Variants in CAMKMT observed in about 807,000 individuals in gnomAD.
The protein encoded by CAMKMT is CaM KMT.
Under a neutral mutation model 48.0 loss-of-function variants are expected in CAMKMT, and 53 were observed. The observed-to-expected ratio is 1.10, with a 90% CI of 0.89 to 1.39. CAMKMT has a LOEUF of 1.39. Ranked by LOEUF, CAMKMT falls within the 40% of genes most tolerant of loss-of-function variation. The pLI is 0.00. For synonymous variants in CAMKMT, 165 were observed against 152.3 expected (o/e 1.08, Z -0.61); for missense variants, 428 against 402.7 (o/e 1.06, Z -0.54).
intron 1 of CAMKMT, among the ~76,000 whole-genome samples, chr2:44,363,508 G>T (rs1481633898): frequency 6.6e-6 from 1 of 151,074 alleles, no homozygotes; most frequent in East Asian, 1.9e-4. Flanking sequence ...CTCCCCAGTA[G>T]CTGGGATTAC....
chr2:44,363,512 G>C lies in CAMKMT; in HGVS notation c.138+1367G>C, dbSNP rs530560931. Among the ~76,000 whole-genome samples, 88 of 151,452 alleles carry C rather than the reference G, an allele frequency of 5.8e-4. 1 individual carries two copies. Among genetic ancestry groups the C allele is most frequent in the African/African-American group, 2.1e-3 (85 of 41,258 alleles). On this transcript the variant is annotated intron_variant, in intron 1 of 10. Coordinates refer to ENST00000378494, the MANE Select transcript of CAMKMT (RefSeq NM_024766.5). The stretch of plus-strand genomic sequence containing the variant: ...CCTTCCTCAGTCTCCCCAGTAGCTG[G>C]GATTACAGGCATGCACCACCACGCC...
At chr2:44,675,140 C>T (rs1212578933) in intron 3 of CAMKMT, among the ~76,000 whole-genome samples, 1 of 151,946 alleles carries the variant, frequency 6.6e-6, no homozygotes, top group Non-Finnish European at 1.5e-5. Flanking sequence ...CCTTACTCTA[C>T]ATTCCCTTAA....
At chr2:44,544,362 T>A (rs1005101673) in intron 3 of CAMKMT, among the ~76,000 whole-genome samples, 17 of 152,062 alleles carry the variant, frequency 1.1e-4, no homozygotes, top group African/African-American at 3.6e-4. Flanking sequence ...GCTGGTAGAG[T>A]CAATGGTTAA....
intron 3 of CAMKMT, among the ~76,000 whole-genome samples, chr2:44,517,362 T>C (rs1358170573): frequency 1.3e-5 from 2 of 152,212 alleles, no homozygotes; most frequent in East Asian, 3.8e-4. Context: ...TAATGCAATA[T>C]GTTAGGTAAA....
At chr2:44,609,947 G>C (rs1163156675) in intron 3 of CAMKMT, among the ~76,000 whole-genome samples, 1 of 152,200 alleles carries the variant, frequency 6.6e-6, no homozygotes, top group Non-Finnish European at 1.5e-5. Flanking sequence ...AGACTTTCAT[G>C]ACAAAGTTGC....
At chr2:44,737,431 T>C (rs961637957) in intron 7 of CAMKMT, among the ~76,000 whole-genome samples, 1 of 152,190 alleles carries the variant, frequency 6.6e-6, no homozygotes, top group Admixed American at 6.5e-5. Context: ...TTGAAATAGT[T>C]TGATATGTTT....
At position 44,510,795 on chromosome 2, in the gene CAMKMT, C is replaced by T. The variant is rs78380554; in HGVS notation, c.376+120490C>T. 4.5e-3 allele frequency among the ~76,000 whole-genome samples: 683 copies of T among 152,060 alleles called. 7 individuals carry two copies. The highest frequency in any genetic ancestry group is 0.016 in the African/African-American group (656 of 41,468). ...TGTACCCAGTATGTAGTCTTTTATC[C>T]CTCACCTCCCTGTCAACCTTCCTCC... is the stretch of plus-strand genomic sequence containing the variant. On this transcript the variant is annotated intron_variant, in intron 3 of 10. Coordinates refer to ENST00000378494, the MANE Select transcript of CAMKMT (RefSeq NM_024766.5).
chr2:44,462,863 A>G (rs1334863457), intron 3 of CAMKMT, among the ~76,000 whole-genome samples: 6 of 152,076 alleles, frequency 3.9e-5, no homozygotes, highest in African/African-American at 1.4e-4. Context: ...TAAAGAAACT[A>G]TTGTTCTGTA....
chr2:44,506,095 G>T (rs1670247760), intron 3 of CAMKMT, among the ~76,000 whole-genome samples: 1 of 151,966 alleles, frequency 6.6e-6, no homozygotes, highest in African/African-American at 2.4e-5. Flanking sequence ...GGCTCAAGCA[G>T]TTCATTCCAC....
intron 8 of CAMKMT, among the ~76,000 whole-genome samples, chr2:44,746,430 C>T (rs1409499956): frequency 6.6e-6 from 1 of 152,110 alleles, no homozygotes; most frequent in African/African-American, 2.4e-5. Flanking sequence ...CATTCAAAAA[C>T]CTGTAGGCAG....
At chr2:44,495,877 C>A (rs1220874802) in intron 3 of CAMKMT, among the ~76,000 whole-genome samples, 1 of 152,178 alleles carries the variant, frequency 6.6e-6, no homozygotes. Context: ...TTGAGTAGAT[C>A]CAATTTCATT....
chr2:44,453,983 A>T (rs1450560501), intron 3 of CAMKMT, among the ~76,000 whole-genome samples: 1 of 152,094 alleles, frequency 6.6e-6, no homozygotes, highest in Non-Finnish European at 1.5e-5. Flanking sequence ...AGTAAGAATT[A>T]GACAAAATAC....
At chr2:44,589,860 G>A (rs527749116) in intron 3 of CAMKMT, among the ~76,000 whole-genome samples, 1 of 55,890 alleles carries the variant, frequency 1.8e-5, no homozygotes, top group Non-Finnish European at 3.5e-5. Flanking sequence ...CCCCCTCTGC[G>A]AGAAACACCC....
intron 1 of CAMKMT, among the ~76,000 whole-genome samples, chr2:44,371,038 G>A (rs1170811352): frequency 1.3e-5 from 2 of 152,194 alleles, no homozygotes; most frequent in Admixed American, 6.5e-5. Flanking sequence ...AGGCTGGAGT[G>A]CAATGGCACA....
chr2:44,394,033 G>C (rs949469601), intron 3 of CAMKMT, among the ~76,000 whole-genome samples: 1 of 152,156 alleles, frequency 6.6e-6, no homozygotes, highest in African/African-American at 2.4e-5. Flanking sequence ...GCTTGGGTCT[G>C]TAGTAGATTC....
At chr2:44,752,736 C>T (rs1398824644) in intron 8 of CAMKMT, among the ~76,000 whole-genome samples, 4 of 152,214 alleles carry the variant, frequency 2.6e-5, no homozygotes, top group Non-Finnish European at 5.9e-5. Flanking sequence ...GCCAAGATGA[C>T]ACCTAGAATG....
intron 3 of CAMKMT, among the ~76,000 whole-genome samples, chr2:44,477,836 A>T (rs1668765854): frequency 1.3e-5 from 2 of 152,228 alleles, no homozygotes. Context: ...ACAATGGTAC[A>T]GGTATAGGCT....
chr2:44,707,685 A>G (rs967366677), intron 6 of CAMKMT, among the ~76,000 whole-genome samples: 1 of 152,076 alleles, frequency 6.6e-6, no homozygotes, highest in Non-Finnish European at 1.5e-5. Flanking sequence ...TCATGAAAGG[A>G]GCCTATTTTT....
chr2:44,508,045 T>G (rs996047815), intron 3 of CAMKMT, among the ~76,000 whole-genome samples: 2 of 152,222 alleles, frequency 1.3e-5, no homozygotes, highest in African/African-American at 4.8e-5. Context: ...GAGACTTTGA[T>G]AAAGTAAAAA....
Sources: gnomAD v4.1 joint callset for allele counts (sites outside exome capture counted in the v4.1 genomes callset) on GRCh38, gnomAD v4.1.1 for gene constraint, MANE v1.5 for transcripts, NCBI Gene and HGNC (gene_info 2026-07-23, HGNC 2026-07-21) for gene names.